The following LRRC53 variants were observed in gnomAD, a reference collection of about 807,000 sequenced individuals.
The protein encoded by LRRC53 is leucine rich repeat containing 53.
LRRC53 carries 25 observed loss-of-function variants against 13.6 expected under a neutral mutation model. That is an observed-to-expected ratio of 1.83 (90% confidence interval 1.34 to 2.56). LRRC53 has a LOEUF of 2.56. LRRC53 is among the 30% of genes most tolerant of loss of function. The pLI is 0.00. For missense variants in LRRC53, 527 were observed against 275.8 expected, an observed-to-expected ratio of 1.91 and a Z score of -6.45; for synonymous variants, 204 against 109.8, an observed-to-expected ratio of 1.86 and a Z score of -5.37.
At chr1:74,497,113 A>C (rs1184498106) in intron 1 of LRRC53, among the ~76,000 whole-genome samples, 1 of 152,190 alleles carries the variant, frequency 6.6e-6, no homozygotes, top group Non-Finnish European at 1.5e-5. Flanking sequence ...GCAGTTTATA[A>C]AAGTTGAATA....
intron 1 of LRRC53, among the ~76,000 whole-genome samples, chr1:74,489,454 A>G (rs1232301982): frequency 6.6e-6 from 1 of 152,180 alleles, no homozygotes; most frequent in Non-Finnish European, 1.5e-5. Flanking sequence ...TGAATTCGAG[A>G]CCTTCCAACA....
the LRRC53 span, among the ~76,000 whole-genome samples, chr1:74,525,699 A>G: frequency 6.6e-6 from 1 of 152,192 alleles, no homozygotes; most frequent in Non-Finnish European, 1.5e-5. Flanking sequence ...AAATATGACC[A>G]TGGAGGCCTG....
the LRRC53 span, among the ~76,000 whole-genome samples, chr1:74,524,714 T>C: frequency 2.0e-4 from 30 of 151,968 alleles, no homozygotes; most frequent in Middle Eastern, 3.4e-3. Context: ...GTGGAGGTTT[T>C]ATTCTAATGT....
the LRRC53 span, among the ~76,000 whole-genome samples, chr1:74,525,953 G>T: frequency 6.6e-6 from 1 of 152,172 alleles, no homozygotes. Flanking sequence ...GTTATTCAGG[G>T]TCTGACAGCA....
chr1:74,471,294 ACT>A lies in LRRC53; in HGVS notation c.2326_2327del (p.Ser776Ter). ...TTGAAGTGAGTCTAACATAGTTGCT[ACT>A]CTCTGACTGTTGAAGAAAATCTGCA... ...CSADFLQQSE[S>X]SNYVRLTSKR... On this transcript the variant is annotated frameshift_variant, in exon 5 of 5. Transcript: ENST00000294635. LOFTEE classifies it low-confidence loss of function (END_TRUNC). 4 of 400,406 alleles carry A rather than the reference ACT, an allele frequency of 1.0e-5. No individual in the cohort carries two copies. Among genetic ancestry groups the A allele is most frequent in the Non-Finnish European group, 1.8e-5 (4 of 226,104 alleles). The allele number at this position is 400,406 out of a possible 1,614,324, so 24.8% of individuals were successfully genotyped here. A position where few individuals can be genotyped will look rare whatever the true frequency, so the allele number is the denominator to read the frequency against.
At chr1:74,521,674 T>C in the LRRC53 span, among the ~76,000 whole-genome samples, 4,798 of 152,244 alleles carry the variant, frequency 0.032, 260 homozygotes, top group African/African-American at 0.11. Flanking sequence ...AAGACAGCCC[T>C]AGTCGCTATT....
intron 1 of LRRC53, among the ~76,000 whole-genome samples, chr1:74,493,748 T>C (rs907103451): frequency 2.6e-5 from 4 of 152,270 alleles, no homozygotes; most frequent in African/African-American, 4.8e-5. Context: ...CTACCTGGGG[T>C]ATATTCTTCT....
At position 74,475,493 on chromosome 1, in the gene LRRC53, C is replaced by A. The variant is rs1230641585; in HGVS notation, c.1222G>T (p.Gly408Trp). 2.8e-6 allele frequency: 2 copies of A among 716,908 alleles called. No homozygotes were observed. The highest frequency in any genetic ancestry group is 5.2e-6 in the Non-Finnish European group (2 of 384,822). 44.4% of individuals were successfully genotyped at this position (716,908 alleles called of 1,614,324 possible). A position where few individuals can be genotyped will look rare whatever the true frequency, so the allele number is the denominator to read the frequency against. Residue 408 changes from glycine to tryptophan, a missense_variant, in exon 4 of 5, where the codon GGG becomes TGG. Transcript: ENST00000294635. ...TGGCAAAATAAAGTGCTGCCTACCC[C>A]ACGGTCTTTCTTTTTCAGGTTTCTA... ...SFRNLKKKDRGVGSTLFCQDG... is the reference protein window; with the variant it reads ...SFRNLKKKDRWVGSTLFCQDG...
intron 1 of LRRC53, among the ~76,000 whole-genome samples, chr1:74,486,880 A>C (rs1668794920): frequency 6.6e-6 from 1 of 152,206 alleles, no homozygotes; most frequent in East Asian, 1.9e-4. Context: ...ATTGTTGCTT[A>C]TATTTAATGC....
At chr1:74,527,658 T>A in the LRRC53 span, among the ~76,000 whole-genome samples, 3 of 152,110 alleles carry the variant, frequency 2.0e-5, no homozygotes, top group South Asian at 6.2e-4. Flanking sequence ...GGTGTTAGGG[T>A]GTTGATCTAC....
At chr1:74,505,091 A>G (rs1669826001) in intron 1 of LRRC53, among the ~76,000 whole-genome samples, 1 of 152,164 alleles carries the variant, frequency 6.6e-6, no homozygotes. Flanking sequence ...AACCCTCTCC[A>G]TTCATACACA....
At chr1:74,514,050 C>T (rs1411798109), upstream of LRRC53, among the ~76,000 whole-genome samples, 3 of 152,106 alleles carry the variant, frequency 2.0e-5, no homozygotes, top group African/African-American at 4.8e-5. Context: ...ACGATAACTG[C>T]GTTTTTCAAT....
chr1:74,490,701 A>G lies in LRRC53; in HGVS notation c.-26-7326T>C, dbSNP rs577647525. On this transcript the variant is annotated intron_variant, in intron 1 of 4. Coordinates refer to ENST00000294635, the MANE Select transcript of LRRC53 (RefSeq NM_001382280.1). Reference sequence around the variant, plus strand: ...TATCCTCTCTATTCTTCAACTTTTCAGTCAACGGTTTAGATCAAGGCCAAG... The same window carrying G: ...TATCCTCTCTATTCTTCAACTTTTCGGTCAACGGTTTAGATCAAGGCCAAG... Among the ~76,000 whole-genome samples the G allele has an allele frequency of 2.6e-5, 4 of 152,300 alleles. No individual in the cohort carries two copies. The South Asian group carries it at 8.3e-4, about 32-fold the overall frequency.
intron 3 of LRRC53, among the ~76,000 whole-genome samples, chr1:74,477,247 C>T (rs1338529309): frequency 6.6e-6 from 1 of 152,090 alleles, no homozygotes; most frequent in Non-Finnish European, 1.5e-5. Flanking sequence ...TATATTCTGA[C>T]ACTTTTCTTG....
chr1:74,485,848 CAT>C (rs1481551898), intron 1 of LRRC53, among the ~76,000 whole-genome samples: 2 of 152,150 alleles, frequency 1.3e-5, no homozygotes, highest in African/African-American at 4.8e-5. Flanking sequence ...AGAAAACAGA[CAT>C]GTGTCATACA....
intron 1 of LRRC53, among the ~76,000 whole-genome samples, chr1:74,509,684 G>A (rs1670078297): frequency 6.7e-6 from 1 of 148,958 alleles, no homozygotes. Flanking sequence ...AAGGAATAGA[G>A]TGTTGTGTTT....
At chr1:74,481,027 A>G in intron 2 of LRRC53, 59 bp from the exon 3 acceptor site, 2 of 649,460 alleles carry the variant, frequency 3.1e-6, no homozygotes, top group East Asian at 5.4e-5. Context: ...GGGAGGGGGT[A>G]TGGTGGAGAG....
At chr1:74,526,275 T>G in the LRRC53 span, among the ~76,000 whole-genome samples, 2 of 152,106 alleles carry the variant, frequency 1.3e-5, no homozygotes, top group South Asian at 4.1e-4. Flanking sequence ...GCCTTTGAAC[T>G]TTCCTCAATC....
the LRRC53 span, among the ~76,000 whole-genome samples, chr1:74,530,791 A>G: frequency 6.6e-6 from 1 of 151,110 alleles, no homozygotes; most frequent in African/African-American, 2.4e-5. Context: ...GCTATAGAGT[A>G]TGTTCCTCAG....
Sources: allele counts gnomAD v4.1 joint callset (sites outside exome capture counted in the v4.1 genomes callset), GRCh38; gene constraint gnomAD v4.1.1; transcripts MANE v1.5; gene names NCBI Gene and HGNC (gene_info 2026-07-23, HGNC 2026-07-21).